Variants in PCDHGB5 observed in about 807,000 individuals in gnomAD.
The protein encoded by PCDHGB5 is protocadherin gamma subfamily B, 5.
PCDHGB5 carries 48 observed loss-of-function variants against 62.9 expected under a neutral mutation model. That is an observed-to-expected ratio of 0.76 (90% confidence interval 0.61 to 0.97). The LOEUF (loss-of-function observed/expected upper bound fraction) is 0.97, where lower values mean the gene tolerates loss of function less well. Among genes scored for constraint, PCDHGB5 ranks in the 50% least tolerant of loss-of-function variants. PCDHGB5 has a pLI of 0.00. For synonymous variants in PCDHGB5, 474 were observed against 511.2 expected (o/e 0.93, Z 0.98); for missense variants, 1,118 against 1,198.6 (o/e 0.93, Z 0.99).
At chr5:141,492,070 G>T (rs1408035481) in intron 1 of PCDHGB5, 1 of 477,946 alleles carries the variant, frequency 2.1e-6, no homozygotes. Context: ...CCTCCTAGGC[G>T]CCGGCTCCGG....
At chr5:141,408,308 T>C in intron 1 of PCDHGB5, 1 of 1,613,744 alleles carries the variant, frequency 6.2e-7, no homozygotes, top group South Asian at 1.1e-5. Flanking sequence ...GATCCGCTAC[T>C]CGATTCCGGA....
chr5:141,457,023 A>G (rs1339517071), intron 1 of PCDHGB5, among the ~76,000 whole-genome samples: 1 of 152,228 alleles, frequency 6.6e-6, no homozygotes, highest in Non-Finnish European at 1.5e-5. Flanking sequence ...AAAAAGTCCT[A>G]GTAGACTCAG....
In PCDHGB5 at chr5:141,423,241, G is replaced by T. The variant is rs1485226833; in HGVS notation, c.2397+22717G>T. The T allele has an allele frequency of 6.8e-6, 11 of 1,613,836 alleles. No individual in the cohort carries two copies. The Admixed American group carries it at 1.5e-4, about 22-fold the overall frequency. On this transcript the variant is annotated intron_variant, in intron 1 of 3. Transcript: ENST00000617380. ...GGCTGTGGCCGACAGCATCCCCGAAGTCCTGGCGGACCTCGGCAGCCTCGA... is the reference window on the plus strand; with the variant it reads ...GGCTGTGGCCGACAGCATCCCCGAATTCCTGGCGGACCTCGGCAGCCTCGA...
chr5:141,420,256 T>C (rs377440259), intron 1 of PCDHGB5: 2 of 1,569,010 alleles, frequency 1.3e-6, no homozygotes, highest in Non-Finnish European at 1.7e-6. Flanking sequence ...TTGAAGCAGA[T>C]AAGAAGATTC....
intron 1 of PCDHGB5, among the ~76,000 whole-genome samples, chr5:141,473,057 A>G (rs2099313037): frequency 2.6e-5 from 4 of 152,056 alleles, no homozygotes; most frequent in Non-Finnish European, 5.9e-5. Flanking sequence ...AAGTGATACA[A>G]CAAGTTACAG....
At chr5:141,427,879 C>T in intron 1 of PCDHGB5, 1 of 1,562,380 alleles carries the variant, frequency 6.4e-7, no homozygotes. Context: ...ACGATGCAGG[C>T]CCACGACCAG....
At chr5:141,421,238 G>A (rs920128735) in intron 1 of PCDHGB5, 1 of 1,597,540 alleles carries the variant, frequency 6.3e-7, no homozygotes, top group African/African-American at 1.3e-5. Context: ...ATGGCGAATC[G>A]GCTACAGCGC....
At chr5:141,405,203 C>A in intron 1 of PCDHGB5, 2 of 1,613,520 alleles carry the variant, frequency 1.2e-6, no homozygotes, top group Non-Finnish European at 1.7e-6. Flanking sequence ...AGCTTTCCTA[C>A]AGACCTATTC....
chr5:141,399,064 A>G lies in PCDHGB5; in HGVS notation c.937A>G (p.Met313Val). Residue 313 changes from methionine to valine, a missense_variant, in exon 1 of 4, where the codon ATG (methionine) becomes GTG (valine). Physicochemically the swap from Met to Val is conservative, Grantham distance 21. Coordinates refer to ENST00000617380, the MANE Select transcript of PCDHGB5 (RefSeq NM_018925.3). ...LDFEETKEYS[M>V]VVEGRDGGGL... ...TTTTGAAGAGACCAAGGAATATTCAATGGTTGTAGAAGGGAGGGATGGTGG... is the reference window on the plus strand; with the variant it reads ...TTTTGAAGAGACCAAGGAATATTCAGTGGTTGTAGAAGGGAGGGATGGTGG... 2 of 1,613,762 alleles carry G rather than the reference A, an allele frequency of 1.2e-6. No homozygotes were observed. Among genetic ancestry groups the G allele is most frequent in the Non-Finnish European group, 1.7e-6 (2 of 1,179,756 alleles).
intron 1 of PCDHGB5, chr5:141,410,800 T>G: frequency 1.5e-6 from 1 of 678,550 alleles, no homozygotes. Context: ...TAAGTTGCTC[T>G]ATCTTTTTGT....
In PCDHGB5 at chr5:141,432,088, A is replaced by T. The variant is rs144317211; in HGVS notation, c.2397+31564A>T. The T allele has an allele frequency of 2.9e-5, 47 of 1,614,148 alleles. No individual in the cohort carries two copies. In the African/African-American group the frequency reaches 5.7e-4, roughly 20 times the overall value. On this transcript the variant is annotated intron_variant, in intron 1 of 3. Transcript: ENST00000617380. This position sits in a 1 kb window ranked among gnomAD's most constrained non-coding sequence, Gnocchi z 6.0. Reference sequence around the variant, plus strand: ...AAACTCATATCTCGCTGAACGTGGCAGACACCAACGACAACCCGCCGGTCT... The same window carrying T: ...AAACTCATATCTCGCTGAACGTGGCTGACACCAACGACAACCCGCCGGTCT...
At chr5:141,501,319 A>G (rs2099807834) in intron 2 of PCDHGB5, among the ~76,000 whole-genome samples, 1 of 151,710 alleles carries the variant, frequency 6.6e-6, no homozygotes, top group Non-Finnish European at 1.5e-5. Context: ...ACACACACAC[A>G]CACACACACA....
chr5:141,415,823 G>T (rs529200891), intron 1 of PCDHGB5: 1 of 1,316,022 alleles, frequency 7.6e-7, no homozygotes, highest in East Asian at 2.8e-5. Context: ...ATATCATAAG[G>T]CTTTGTTATG....
intron 1 of PCDHGB5, chr5:141,408,923 G>C: frequency 6.2e-7 from 1 of 1,613,488 alleles, no homozygotes; most frequent in Non-Finnish European, 8.5e-7. Flanking sequence ...TAACCCCCCG[G>C]TTTTCAGCAG....
At position 141,512,045 on chromosome 5, in the gene PCDHGB5, C is replaced by T. The variant is rs568357347; in HGVS notation, c.*872C>T. On this transcript the variant is annotated 3_prime_UTR_variant, in exon 4 of 4. Transcript: ENST00000617380. ...GGCCTTGGAGGAGGCTCTGTATGTC[C>T]TCAGGGGACTGACAACATCCTCCAG... The T allele has an allele frequency of 1.5e-3, 224 of 152,846 alleles. 2 individuals are homozygous for T. The highest frequency in any genetic ancestry group is 4.6e-4 in the Non-Finnish European group (31 of 68,130). The allele number at this position is 152,846 out of a possible 1,614,324, so 9.5% of individuals were successfully genotyped here. A position where few individuals can be genotyped will look rare whatever the true frequency, so the allele number is the denominator to read the frequency against.
chr5:141,415,837 A>G (rs1232795581), intron 1 of PCDHGB5: 1 of 1,272,340 alleles, frequency 7.9e-7, no homozygotes, highest in Admixed American at 4.0e-5. Flanking sequence ...TGTTATGATT[A>G]GCTTTGCAGA....
intron 1 of PCDHGB5, among the ~76,000 whole-genome samples, chr5:141,464,431 A>G (rs1352563675): frequency 6.6e-6 from 1 of 151,648 alleles, no homozygotes; most frequent in Non-Finnish European, 1.5e-5. Flanking sequence ...ATATAGATAT[A>G]TATGTTTGTT....
rs1338955892 is a variant in PCDHGB5, at chr5:141,502,521, T to C, written c.2457-2872T>C. 5.9e-5 allele frequency among the ~76,000 whole-genome samples: 9 copies of C among 152,338 alleles called. No homozygotes were observed. In the East Asian group the frequency reaches 1.7e-3, roughly 29 times the overall value. The stretch of plus-strand genomic sequence containing the variant: ...CGTCGGCCTGTCCCACTATCAGTGA[T>C]GCCGAGTTTGTTCGTGTGGTAAAAA... On this transcript the variant is annotated intron_variant, in intron 2 of 3. Transcript: ENST00000617380.
At chr5:141,404,231 A>G (rs1403622769) in intron 1 of PCDHGB5, 1 of 1,613,928 alleles carries the variant, frequency 6.2e-7, no homozygotes, top group Non-Finnish European at 8.5e-7. Context: ...TGCAACAGAC[A>G]GAGGAACTCC....
Sources: allele counts gnomAD v4.1 joint callset (sites outside exome capture counted in the v4.1 genomes callset), GRCh38; gene constraint gnomAD v4.1.1; non-coding constraint Gnocchi (gnomAD v3.1); transcripts MANE v1.5; gene names NCBI Gene and HGNC (gene_info 2026-07-23, HGNC 2026-07-21).